METTL16: variants seen among roughly 807,000 people sequenced by gnomAD.
METTL16 encodes the protein methyltransferase 16, RNA N6-adenosine, also known as RNA N(6)-adenosine-methyltransferase METTL16.
METTL16 carries 19 observed loss-of-function variants against 57.9 expected under a neutral mutation model. The observed-to-expected ratio is 0.33, with a 90% CI of 0.23 to 0.48. The LOEUF (loss-of-function observed/expected upper bound fraction) is 0.48. METTL16 is among the 20% of genes least tolerant of loss of function. The pLI, the probability that METTL16 is intolerant of heterozygous loss-of-function variation, is 0.99. For missense variants in METTL16, 434 were observed against 691.5 expected, an observed-to-expected ratio of 0.63 and a Z score of 4.18; for synonymous variants, 246 against 255.6, an observed-to-expected ratio of 0.96 and a Z score of 0.36.
chr17:2,497,305 CTTT>C (rs781130501), intron 2 of METTL16, among the ~76,000 whole-genome samples: 1 of 63,788 alleles, frequency 1.6e-5, no homozygotes, highest in Non-Finnish European at 2.7e-5. Context: ...TGCACCCGGC[CTTT>C]TTTTTTTTTT....
At position 2,449,988 on chromosome 17, in the gene METTL16, A is replaced by C. The variant is rs1043605993; in HGVS notation, c.729-8429T>G. Among the ~76,000 whole-genome samples the C allele has an allele frequency of 3.3e-5, 5 of 152,252 alleles. No individual in the cohort carries two copies. The East Asian group carries it at 7.7e-4, about 23-fold the overall frequency. On this transcript the variant is annotated intron_variant, in intron 6 of 9. Coordinates refer to ENST00000263092, the MANE Select transcript of METTL16 (RefSeq NM_024086.4). ...AGATACATTTTTAAAAGGTGACAAC[A>C]GTACCAAATGGTGTCAACGGAAACT...
intron 4 of METTL16, among the ~76,000 whole-genome samples, chr17:2,470,816 T>C (rs1005478674): frequency 1.2e-4 from 18 of 152,198 alleles, no homozygotes; most frequent in African/African-American, 4.3e-4. Context: ...AATAAGTAAA[T>C]ACCTTCATGC....
intron 2 of METTL16, among the ~76,000 whole-genome samples, chr17:2,499,330 T>TC (rs1459869292): frequency 4.2e-4 from 61 of 145,378 alleles, no homozygotes; most frequent in Non-Finnish European, 7.8e-4. Context: ...CAAAACTATA[T>TC]CTTTTTTTTT....
chr17:2,462,192 GA>G (rs2067154397), intron 6 of METTL16, among the ~76,000 whole-genome samples: 1 of 152,146 alleles, frequency 6.6e-6, no homozygotes, highest in Admixed American at 6.6e-5. Flanking sequence ...GAAGAACCTT[GA>G]AAACATGACG....
At chr17:2,468,672 A>G (rs1202760286) in intron 4 of METTL16, among the ~76,000 whole-genome samples, 1 of 152,176 alleles carries the variant, frequency 6.6e-6, no homozygotes, top group East Asian at 1.9e-4. Flanking sequence ...CTTGAGACCA[A>G]GAGTTCCAGA....
At chr17:2,453,753 A>G (rs2067088687) in intron 6 of METTL16, among the ~76,000 whole-genome samples, 1 of 152,246 alleles carries the variant, frequency 6.6e-6, no homozygotes. Flanking sequence ...AAGAGCCTCT[A>G]AAATCACCAA....
Position 2,457,833 on chromosome 17 carries a change from A to G in METTL16, c.728+6375T>C, listed in dbSNP as rs922181755. The stretch of plus-strand genomic sequence containing the variant: ...ATAGCTACTATCATTCCATTTTACC[A>G]ATGATAAATCAAAATTTCAAACCAA... On this transcript the variant is annotated intron_variant, in intron 6 of 9. Transcript: ENST00000263092. 3.9e-5 allele frequency among the ~76,000 whole-genome samples: 6 copies of G among 152,286 alleles called. No individual in the cohort carries two copies. In the East Asian group the frequency reaches 1.2e-3, roughly 29 times the overall value.
At chr17:2,492,101 C>T (rs1421647596) in intron 2 of METTL16, among the ~76,000 whole-genome samples, 2 of 151,174 alleles carry the variant, frequency 1.3e-5, no homozygotes, top group Non-Finnish European at 2.9e-5. Flanking sequence ...GTCCCAGCTA[C>T]TCGGGAGGCT....
At chr17:2,446,752 G>GTT (rs541985432) in intron 6 of METTL16, among the ~76,000 whole-genome samples, 1 of 149,228 alleles carries the variant, frequency 6.7e-6, no homozygotes, top group Non-Finnish European at 1.5e-5. Context: ...ACTGGTTCTC[G>GTT]TTTTTTTTTT....
At chr17:2,464,388 C>T (rs2151563539) in intron 5 of METTL16, 38 bp from the exon 6 acceptor site, 5 of 1,561,896 alleles carry the variant, frequency 3.2e-6, no homozygotes, top group South Asian at 2.5e-5. Flanking sequence ...AAAATGTGTA[C>T]ACCCCAAGAA....
intron 1 of METTL16, 128 bp downstream of exon 1, chr17:2,511,631 A>T (rs1487686817): frequency 2.6e-6 from 1 of 390,102 alleles, no homozygotes; most frequent in Non-Finnish European, 4.5e-6. Context: ...CAGCCACATC[A>T]GGTCTCCCCT....
At chr17:2,464,512 TCAAA>T (rs2067176252) in intron 5 of METTL16, among the ~76,000 whole-genome samples, 162 bp from the exon 6 acceptor site, 1 of 152,232 alleles carries the variant, frequency 6.6e-6, no homozygotes, top group African/African-American at 2.4e-5. Flanking sequence ...ATATTTTATT[TCAAA>T]CAGCTACTTC....
At chr17:2,435,767 G>A (rs1033980684) in intron 8 of METTL16, among the ~76,000 whole-genome samples, 9 of 151,102 alleles carry the variant, frequency 6.0e-5, no homozygotes, top group Non-Finnish European at 1.3e-4. Context: ...GCTTGGGGCT[G>A]GGGTAGTGGT....
chr17:2,432,305 T>C (rs1183675779), intron 8 of METTL16, among the ~76,000 whole-genome samples: 1 of 152,172 alleles, frequency 6.6e-6, no homozygotes, highest in East Asian at 1.9e-4. Flanking sequence ...CAATGGCTTA[T>C]GCCTGTAATC....
chr17:2,509,613 G>T (rs2067572695), intron 1 of METTL16, among the ~76,000 whole-genome samples: 1 of 152,072 alleles, frequency 6.6e-6, no homozygotes, highest in Non-Finnish European at 1.5e-5. Context: ...GTGTTGGCCG[G>T]GCACAGTCGC....
At chr17:2,450,864 AATTTC>A (rs1415196777) in intron 6 of METTL16, among the ~76,000 whole-genome samples, 27 of 152,196 alleles carry the variant, frequency 1.8e-4, no homozygotes, top group Non-Finnish European at 7.3e-5. Context: ...TCAAGAATTT[AATTTC>A]AAGAATTTAA....
chr17:2,465,348 C>G (rs1455302828), intron 5 of METTL16, among the ~76,000 whole-genome samples: 36 of 151,400 alleles, frequency 2.4e-4, no homozygotes, highest in Non-Finnish European at 1.5e-5. Flanking sequence ...TTGAGACCAT[C>G]CTGGCTAACA....
chr17:2,510,664 CT>C (rs930456927), intron 1 of METTL16, among the ~76,000 whole-genome samples: 21 of 149,712 alleles, frequency 1.4e-4, no homozygotes, highest in African/African-American at 4.2e-4. Flanking sequence ...GGCATCAATT[CT>C]TTTTTTTTTC....
intron 3 of METTL16, among the ~76,000 whole-genome samples, chr17:2,474,723 C>T (rs1228994440): frequency 6.6e-6 from 1 of 152,160 alleles, no homozygotes; most frequent in African/African-American, 2.4e-5. Flanking sequence ...GTCAGGAGTT[C>T]GAGGCCTGCC....
Sources: allele counts gnomAD v4.1 joint callset (sites outside exome capture counted in the v4.1 genomes callset), GRCh38; gene constraint gnomAD v4.1.1; transcripts MANE v1.5; gene names NCBI Gene and HGNC (gene_info 2026-07-23, HGNC 2026-07-21).